GTSE1: variants seen among roughly 807,000 people sequenced by gnomAD.
The protein encoded by GTSE1 is G2 and S-phase expressed 1, also known as G2 and S phase-expressed protein 1.
In GTSE1, 52 loss-of-function variants were observed where a neutral mutation model predicts 60.5. The ratio of observed to expected loss-of-function variants is 0.86; its 90% CI spans 0.69 to 1.08. The LOEUF (loss-of-function observed/expected upper bound fraction) is 1.08. Ranked by LOEUF, GTSE1 falls within the 50% of genes least tolerant of loss-of-function variation. The pLI, the probability that GTSE1 is intolerant of heterozygous loss-of-function variation, is 0.00. For synonymous variants in GTSE1, 368 were observed against 386.5 expected, an observed-to-expected ratio of 0.95 and a Z score of 0.56; for missense variants, 937 against 961.8, an observed-to-expected ratio of 0.97 and a Z score of 0.34.
Position 46,316,156 on chromosome 22 carries a change from A to G in GTSE1, c.1176A>G (p.Ala392=), listed in dbSNP as rs36051967. Residue 392 remains alanine (A), a synonymous_variant, in exon 7 of 12, where the codon GCA becomes GCG. Transcript: ENST00000454366. This position sits in a 1 kb window ranked among gnomAD's most constrained non-coding sequence, Gnocchi z 5.0. ...RPALPAGPVG[A]SSWQAKRVDV... ...CTCTGCCTGCAGGCCCTGTGGGGGCATCCTCCTGGCAGGCCAAGCGGGTCG... is the reference window on the plus strand; with the variant it reads ...CTCTGCCTGCAGGCCCTGTGGGGGCGTCCTCCTGGCAGGCCAAGCGGGTCG... 585 of 1,612,226 alleles carry G rather than the reference A, an allele frequency of 3.6e-4. 3 individuals carry two copies. The African/African-American group carries it at 6.5e-3, about 18-fold the overall frequency.
At chr22:46,298,788 C>A (rs1295117664) in intron 2 of GTSE1, among the ~76,000 whole-genome samples, 1 of 152,224 alleles carries the variant, frequency 6.6e-6, no homozygotes, top group African/African-American at 2.4e-5. Flanking sequence ...CTTCTTGAGG[C>A]CTTCCCCACT....
In GTSE1 at chr22:46,312,193, A is replaced by C; in HGVS notation, c.815A>C (p.Lys272Thr). The change falls in exon 5 of 12, where the codon AAG becomes ACG. Residue 272 changes from lysine to threonine, a missense_variant. Lys to Thr is a moderately conservative substitution (Grantham distance 78). Coordinates refer to ENST00000454366, the MANE Select transcript of GTSE1 (RefSeq NM_016426.7). The part of the protein sequence containing the change: ...SPSRTKIPAE[K>T]ESHRDVLPDK... ...TCCAGGACAAAAATCCCAGCTGAGA[A>C]GGAATCCCACCGGGATGTTCTCCCT... 6.2e-7 allele frequency: 1 copy of C among 1,614,032 alleles called. No homozygotes were observed.
In GTSE1 at chr22:46,308,181, C is replaced by T. The variant is rs773139519; in HGVS notation, c.111C>T (p.Asp37=). The T allele has an allele frequency of 6.8e-6, 11 of 1,613,212 alleles. No individual in the cohort carries two copies. The African/African-American group carries it at 1.2e-4, about 18-fold the overall frequency. The change falls in exon 3 of 12, where the codon GAC becomes GAT. Residue 37 remains aspartate, a synonymous_variant. Transcript: ENST00000454366. ...TTCTTTTGGCCGATGAAAAATTTGACTTCGATCTTTCATTGTCTTCTTCGA... is the reference window on the plus strand; with the variant it reads ...TTCTTTTGGCCGATGAAAAATTTGATTTCGATCTTTCATTGTCTTCTTCGA... ...DILLLADEKF[D]FDLSLSSSSA... is the part of the protein sequence containing the mutation.
intron 4 of GTSE1, among the ~76,000 whole-genome samples, chr22:46,311,113 TG>T (rs2077745860): frequency 6.6e-6 from 1 of 152,028 alleles, no homozygotes; most frequent in African/African-American, 2.4e-5. Context: ...GTTTTGCTCT[TG>T]TTGCCGAGGC....
rs1467519541 is a variant in GTSE1, at chr22:46,310,802, C to T, written c.763-1339C>T. Among the ~76,000 whole-genome samples the T allele has an allele frequency of 7.2e-5, 11 of 152,246 alleles. No homozygotes were observed. The East Asian group carries it at 1.5e-3, about 21-fold the overall frequency. ...AAAATTAGCCAAGTATGGTGGTGCACACCTGTAATCCCAGCTACTTGGGAG... is the reference window on the plus strand; with the variant it reads ...AAAATTAGCCAAGTATGGTGGTGCATACCTGTAATCCCAGCTACTTGGGAG... On this transcript the variant is annotated intron_variant, in intron 4 of 11. Transcript: ENST00000454366. This position sits in a 1 kb window ranked among gnomAD's most constrained non-coding sequence, Gnocchi z 4.4.
intron 2 of GTSE1, among the ~76,000 whole-genome samples, chr22:46,298,188 C>T (rs1425307797): frequency 6.6e-6 from 1 of 150,980 alleles, no homozygotes; most frequent in African/African-American, 2.4e-5. Context: ...GTCTCGAACT[C>T]CTGAGCTCAG....
intron 2 of GTSE1, among the ~76,000 whole-genome samples, chr22:46,302,064 G>T (rs796680404): frequency 7.7e-4 from 118 of 152,288 alleles, no homozygotes; most frequent in African/African-American, 2.8e-3. Flanking sequence ...GGCAGAGGTT[G>T]CGGTGAGCCA....
At chr22:46,298,558 T>A (rs1291410030) in intron 2 of GTSE1, among the ~76,000 whole-genome samples, 1 of 152,166 alleles carries the variant, frequency 6.6e-6, no homozygotes, top group African/African-American at 2.4e-5. Flanking sequence ...TCCACCTGCC[T>A]AGGCCTCCCA....
chr22:46,316,484 T>TA lies in GTSE1; in HGVS notation c.1432+73dup. 5 of 1,042,408 alleles carry TA rather than the reference T, an allele frequency of 4.8e-6. No homozygotes were observed. The highest frequency in any genetic ancestry group is 7.1e-6 in the Non-Finnish European group (5 of 705,584). 64.6% of individuals were successfully genotyped at this position (1,042,408 alleles called of 1,614,324 possible). ...AATTGCATTTAAAGTTTTAAACAAT[T>TA]ATTGATGGCATTGATGGTGTTTTTA... On this transcript the variant is annotated intron_variant, in intron 7 of 11. Transcript: ENST00000454366. This position sits in a 1 kb window ranked among gnomAD's most constrained non-coding sequence, Gnocchi z 5.0.
Position 46,330,240 on chromosome 22 carries a change from G to A in GTSE1, c.*110G>A. On this transcript the variant is annotated 3_prime_UTR_variant, in exon 12 of 12. Transcript: ENST00000454366. The surrounding 1 kb of genome is among the most constrained non-coding windows in gnomAD (Gnocchi z 6.0). ...CTTACACTTGTAACCCTAGAACTTG[G>A]GAGGCTGAGGTGGGCGGATTACTTG... 3 of 696,834 alleles carry A rather than the reference G, an allele frequency of 4.3e-6. No individual in the cohort carries two copies. The highest frequency in any genetic ancestry group is 7.9e-6 in the Non-Finnish European group (3 of 379,202). The allele number at this position is 696,834 out of a possible 1,614,324, so 43.2% of individuals were successfully genotyped here. A position where few individuals can be genotyped will look rare whatever the true frequency, so the allele number is the denominator to read the frequency against.
At position 46,313,052 on chromosome 22, in the gene GTSE1, A is replaced by G. The variant is rs1234741582; in HGVS notation, c.927+747A>G. On this transcript the variant is annotated intron_variant, in intron 5 of 11. Coordinates refer to ENST00000454366, the MANE Select transcript of GTSE1 (RefSeq NM_016426.7). The surrounding 1 kb of genome is among the most constrained non-coding windows in gnomAD (Gnocchi z 4.4). ...GTGGTGCATGCCTGTGGTCCCAGCT[A>G]TTTGGGAGGTTGAGGTGGGAGGATT... is the stretch of plus-strand genomic sequence containing the variant. Among the ~76,000 whole-genome samples the G allele has an allele frequency of 6.7e-6, 1 of 149,220 alleles. No homozygotes were observed. The highest frequency in any genetic ancestry group is 2.0e-4 in the East Asian group (1 of 4,922).
At position 46,297,137 on chromosome 22, in the gene GTSE1, C is replaced by G. The variant is rs540863714; in HGVS notation, c.-22+206C>G. On this transcript the variant is annotated intron_variant, in intron 1 of 11. Coordinates refer to ENST00000454366, the MANE Select transcript of GTSE1 (RefSeq NM_016426.7). This position sits in a 1 kb window ranked among gnomAD's most constrained non-coding sequence, Gnocchi z 4.9. ...CCAGGCAAACAGAGCCCCCAACACTCTGGCCCAGAAGCCGAGAATTCCGTT... is the reference window on the plus strand; with the variant it reads ...CCAGGCAAACAGAGCCCCCAACACTGTGGCCCAGAAGCCGAGAATTCCGTT... 1.9e-3 allele frequency among the ~76,000 whole-genome samples: 283 copies of G among 152,368 alleles called. 2 individuals carry two copies. The highest frequency in any genetic ancestry group is 2.7e-3 in the Non-Finnish European group (185 of 68,022).
In GTSE1 at chr22:46,330,173, G is replaced by C; in HGVS notation, c.*43G>C. The C allele has an allele frequency of 4.2e-6, 5 of 1,192,176 alleles. No homozygotes were observed. Among genetic ancestry groups the C allele is most frequent in the Non-Finnish European group, 6.3e-6 (5 of 794,592 alleles). The allele number at this position is 1,192,176 out of a possible 1,614,324, so 73.8% of individuals were successfully genotyped here. ...GCCTTGAAAGAACAGCCCTAAAGTG[G>C]TTTTCAACCCTCAGAAACAAGCTTT... On this transcript the variant is annotated 3_prime_UTR_variant, in exon 12 of 12. Transcript: ENST00000454366. This position sits in a 1 kb window ranked among gnomAD's most constrained non-coding sequence, Gnocchi z 6.0.
rs2077705063 is a variant in GTSE1 at position 46,304,325 on chromosome 22, G to A, written c.80-3825G>A. Among the ~76,000 whole-genome samples the A allele has an allele frequency of 6.6e-6, 1 of 152,128 alleles. No individual in the cohort carries two copies. On this transcript the variant is annotated intron_variant, in intron 2 of 11. Coordinates refer to ENST00000454366, the MANE Select transcript of GTSE1 (RefSeq NM_016426.7). The surrounding 1 kb of genome is among the most constrained non-coding windows in gnomAD (Gnocchi z 4.4). Reference sequence around the variant, plus strand: ...GTTTTAAGGGTTGTTACTTCAGCATGTTAGCCTATCCTAACTGGTAAGATC... The same window carrying A: ...GTTTTAAGGGTTGTTACTTCAGCATATTAGCCTATCCTAACTGGTAAGATC...
At position 46,297,744 on chromosome 22, in the gene GTSE1, A is replaced by G. The variant is rs147308446; in HGVS notation, c.79+265A>G. Among the ~76,000 whole-genome samples the G allele has an allele frequency of 1.3e-4, 20 of 152,190 alleles. No homozygotes were observed. The East Asian group carries it at 1.7e-3, about 13-fold the overall frequency. On this transcript the variant is annotated intron_variant, in intron 2 of 11. Coordinates refer to ENST00000454366, the MANE Select transcript of GTSE1 (RefSeq NM_016426.7). The surrounding 1 kb of genome is among the most constrained non-coding windows in gnomAD (Gnocchi z 4.9). ...CACCTAACACTTTGTGGGCTCTCAAATATTTATTGTATTGAATTCGATGTT... is the reference window on the plus strand; with the variant it reads ...CACCTAACACTTTGTGGGCTCTCAAGTATTTATTGTATTGAATTCGATGTT...
In GTSE1 at chr22:46,297,036, G is replaced by C. The variant is rs544362857; in HGVS notation, c.-22+105G>C. 2,125 of 204,052 alleles carry C rather than the reference G, an allele frequency of 0.01. 32 individuals carry two copies. The highest frequency in any genetic ancestry group is 0.022 in the Middle Eastern group (11 of 490). 12.6% of individuals were successfully genotyped at this position (204,052 alleles called of 1,614,324 possible). On this transcript the variant is annotated intron_variant, in intron 1 of 11. Coordinates refer to ENST00000454366, the MANE Select transcript of GTSE1 (RefSeq NM_016426.7). This position sits in a 1 kb window ranked among gnomAD's most constrained non-coding sequence, Gnocchi z 4.9. Reference sequence around the variant, plus strand: ...GAGGGGCCGCGCCCCGCCAGGAGCCGGGCCTGGGCTCGAGCAGGGGTCACT... The same window carrying C: ...GAGGGGCCGCGCCCCGCCAGGAGCCCGGCCTGGGCTCGAGCAGGGGTCACT...
At chr22:46,303,518 A>G (rs1388545443) in intron 2 of GTSE1, among the ~76,000 whole-genome samples, 1 of 152,144 alleles carries the variant, frequency 6.6e-6, no homozygotes, top group Non-Finnish European at 1.5e-5. Flanking sequence ...TTACCTCCAC[A>G]TTCCTTCCTT....
chr22:46,300,934 T>C (rs1441226672), intron 2 of GTSE1, among the ~76,000 whole-genome samples: 1 of 152,242 alleles, frequency 6.6e-6, no homozygotes, highest in Non-Finnish European at 1.5e-5. Flanking sequence ...CTCTTGGGTA[T>C]CCTTCCAGAC....
In GTSE1 at chr22:46,324,453, C is replaced by T. The variant is rs1051002124; in HGVS notation, c.1505+1191C>T. Among the ~76,000 whole-genome samples, 2 of 152,080 alleles carry T rather than the reference C, an allele frequency of 1.3e-5. No individual in the cohort carries two copies. The highest frequency in any genetic ancestry group is 4.8e-5 in the African/African-American group (2 of 41,392). ...CACGATCTCAGCTCATGGTAAGCTC[C>T]GCCTCCTGGATTCACGCCATTCTCC... On this transcript the variant is annotated intron_variant, in intron 8 of 11. Transcript: ENST00000454366. This position sits in a 1 kb window ranked among gnomAD's most constrained non-coding sequence, Gnocchi z 5.2.
Sources: allele counts gnomAD v4.1 joint callset (sites outside exome capture counted in the v4.1 genomes callset), GRCh38; gene constraint gnomAD v4.1.1; non-coding constraint Gnocchi (gnomAD v3.1); transcripts MANE v1.5; gene names NCBI Gene and HGNC (gene_info 2026-07-23, HGNC 2026-07-21).